SSBP1: variants seen among roughly 807,000 people sequenced by gnomAD.
SSBP1 encodes the protein single-stranded DNA-binding protein, mitochondrial.
A neutral mutation model predicts 27.0 loss-of-function variants in SSBP1; 20 were observed. The observed-to-expected ratio is 0.74, with a 90% CI of 0.52 to 1.08. The LOEUF is 1.08. Ranked by LOEUF, SSBP1 falls within the 50% of genes least tolerant of loss-of-function variation. The pLI, the probability that SSBP1 is intolerant of heterozygous loss-of-function variation, is 0.00. For missense variants in SSBP1, 137 were observed against 182.4 expected, an observed-to-expected ratio of 0.75 and a Z score of 1.44; for synonymous variants, 59 against 59.3, an observed-to-expected ratio of 1.00 and a Z score of 0.02.
At chr7:141,749,777 C>G (rs1799901034) in intron 6 of SSBP1, among the ~76,000 whole-genome samples, 1 of 151,994 alleles carries the variant, frequency 6.6e-6, no homozygotes, top group Admixed American at 6.6e-5. Context: ...GACTCCATCT[C>G]CAAAGGAAAA....
rs546482417 is a variant in SSBP1, at chr7:141,746,434, C to T, written c.403+850C>T. 2.0e-5 allele frequency: 3 copies of T among 152,446 alleles called. No homozygotes were observed. In the South Asian group the frequency reaches 6.2e-4, roughly 32 times the overall value. 9.4% of individuals were successfully genotyped at this position (152,446 alleles called of 1,614,324 possible). ...CAGCTTACTGCAGCCTCTACCTCCC[C>T]AGGCTCAGGTGATCTTCCCACCTCA... is the stretch of plus-strand genomic sequence containing the variant. On this transcript the variant is annotated intron_variant, in intron 6 of 6. Transcript: ENST00000265304.
chr7:141,750,288 T>G (rs1799914411), intron 6 of SSBP1, 23 bp from the exon 7 acceptor site: 15 of 1,540,776 alleles, frequency 9.7e-6, no homozygotes, highest in African/African-American at 1.4e-5. Flanking sequence ...GAAATTAATA[T>G]TTACATTTTG....
At chr7:141,742,342 G>C in intron 3 of SSBP1, 113 bp downstream of exon 3, 1 of 708,164 alleles carries the variant, frequency 1.4e-6, no homozygotes. Context: ...TGTGCTTTTA[G>C]CTCATGTTTG....
Position 141,743,951 on chromosome 7 carries a change from A to G in SSBP1, c.276A>G (p.Pro92=), listed in dbSNP as rs1803993. The G allele has an allele frequency of 1.3e-5, 21 of 1,613,256 alleles. 1 individual carries two copies. In the South Asian group the frequency reaches 2.0e-4, roughly 15 times the overall value. The part of the protein sequence containing the change: ...TTWHRISVFR[P]GLRDVAYQYV... ...GGCACAGAATATCAGTATTCCGGCCAGGCCTCAGAGACGTGGCATATCAAT... is the reference window on the plus strand; with the variant it reads ...GGCACAGAATATCAGTATTCCGGCCGGGCCTCAGAGACGTGGCATATCAAT... Residue 92 remains proline, a synonymous_variant, in exon 5 of 7, where the codon CCA becomes CCG. Coordinates refer to ENST00000265304, the MANE Select transcript of SSBP1 (RefSeq NM_003143.3).
At chr7:141,743,100 G>A (rs13227309) in intron 3 of SSBP1, among the ~76,000 whole-genome samples, 11,475 of 152,212 alleles carry the variant, frequency 0.075, 645 homozygotes, top group Non-Finnish European at 0.12. Flanking sequence ...TGATCCGCCC[G>A]CCTTGGCCTC....
At chr7:141,744,215 C>T (rs1182635953) in intron 5 of SSBP1, among the ~76,000 whole-genome samples, 1 of 152,238 alleles carries the variant, frequency 6.6e-6, no homozygotes, top group Non-Finnish European at 1.5e-5. Context: ...TAAGAACTTA[C>T]AGTTTAGGGC....
chr7:141,743,085 C>T (rs560234241), intron 3 of SSBP1, among the ~76,000 whole-genome samples: 1 of 152,300 alleles, frequency 6.6e-6, no homozygotes, highest in East Asian at 1.9e-4. Flanking sequence ...TCTCTCCTGA[C>T]CTTGTGATCC....
At position 141,741,670 on chromosome 7, in the gene SSBP1, T is replaced by A. The variant is rs147606247; in HGVS notation, c.25-499T>A. 1.1e-4 allele frequency: 62 copies of A among 551,082 alleles called. No individual in the cohort carries two copies. In the African/African-American group the frequency reaches 1.2e-3, roughly 11 times the overall value. The allele number at this position is 551,082 out of a possible 1,614,324, so 34.1% of individuals were successfully genotyped here. A position where few individuals can be genotyped will look rare whatever the true frequency, so the allele number is the denominator to read the frequency against. On this transcript the variant is annotated intron_variant, in intron 2 of 6. Transcript: ENST00000265304. The stretch of plus-strand genomic sequence containing the variant: ...CAAAATACAGTAGTAATATACCAGT[T>A]GTTTATACTAAAAAAAAAAATTAGA...
rs776207444 is a variant in SSBP1, at chr7:141,742,150, T to C, written c.25-19T>C. 5 of 1,573,870 alleles carry C rather than the reference T, an allele frequency of 3.2e-6. No individual in the cohort carries two copies. Among genetic ancestry groups the C allele is most frequent in the South Asian group, 1.1e-5 (1 of 88,018 alleles). ...TTCCTAAAAAATTAAAGCCATGTTA[T>C]TCATTTGTTCTTCTTTAGGTACTTC... On this transcript the variant is annotated intron_variant, in intron 2 of 6. Transcript: ENST00000265304.
chr7:141,739,145 G>A lies in SSBP1; in HGVS notation c.-22G>A. 6.3e-7 allele frequency: 1 copy of A among 1,589,806 alleles called. No individual in the cohort carries two copies. Among genetic ancestry groups the A allele is most frequent in the South Asian group, 1.2e-5 (1 of 85,706 alleles). Reference sequence around the variant, plus strand: ...TCAGGAAAAGCCTAAAGATTAGACTGTAAGAAAAGAAAATAGAAGCCATGT... The same window carrying A: ...TCAGGAAAAGCCTAAAGATTAGACTATAAGAAAAGAAAATAGAAGCCATGT... On this transcript the variant is annotated 5_prime_UTR_variant, in exon 2 of 7. Transcript: ENST00000265304.
chr7:141,743,469 G>T, intron 3 of SSBP1, 92 bp from the exon 4 acceptor site: 1 of 1,458,726 alleles, frequency 6.9e-7, no homozygotes, highest in Non-Finnish European at 9.4e-7. Flanking sequence ...TACATTGAGG[G>T]TTAGAGCTTC....
chr7:141,744,229 CAG>C (rs973173078), intron 5 of SSBP1, among the ~76,000 whole-genome samples: 25 of 152,310 alleles, frequency 1.6e-4, no homozygotes, highest in African/African-American at 3.1e-4. Flanking sequence ...TTAGGGCAAA[CAG>C]GGTGTGTACA....
At chr7:141,747,995 CAAAAA>C (rs926171907) in intron 6 of SSBP1, among the ~76,000 whole-genome samples, 5 of 56,020 alleles carry the variant, frequency 8.9e-5, no homozygotes, top group African/African-American at 3.3e-4. Context: ...AAGACTCTCT[CAAAAA>C]AAAAAAAAAA....
chr7:141,747,674 C>T (rs1318997512), intron 6 of SSBP1, among the ~76,000 whole-genome samples: 3 of 151,406 alleles, frequency 2.0e-5, no homozygotes, highest in African/African-American at 7.3e-5. Context: ...AGGCGTGAGC[C>T]ACCGTGCCCG....
At chr7:141,739,215 T>A in intron 2 of SSBP1, 25 bp downstream of exon 2, 1 of 1,549,512 alleles carries the variant, frequency 6.5e-7, no homozygotes, top group Non-Finnish European at 8.8e-7. Flanking sequence ...GTATTAATAC[T>A]GAGATGTATT....
chr7:141,743,672 G>C lies in SSBP1; in HGVS notation c.197G>C (p.Arg66Pro). ...IFSLATNEMWRSGDSEVYQLG... is the reference protein window; with the variant it reads ...IFSLATNEMWPSGDSEVYQLG... Reference sequence around the variant, plus strand: ...TCTCTAGCAACTAATGAGATGTGGCGATCAGGGGATAGTGAAGTTTACCAA... The same window carrying C: ...TCTCTAGCAACTAATGAGATGTGGCCATCAGGGGATAGTGAAGTTTACCAA... Residue 66 changes from arginine (R) to proline (P), a missense_variant, in exon 4 of 7, where the codon CGA becomes CCA. Physicochemically the swap from Arg to Pro is moderately radical, Grantham distance 103. Transcript: ENST00000265304. The C allele has an allele frequency of 6.2e-7, 1 of 1,614,202 alleles. No homozygotes were observed. Among genetic ancestry groups the C allele is most frequent in the Non-Finnish European group, 8.5e-7 (1 of 1,180,032 alleles).
At chr7:141,746,810 A>G (rs1409031066) in intron 6 of SSBP1, among the ~76,000 whole-genome samples, 1 of 152,246 alleles carries the variant, frequency 6.6e-6, no homozygotes, top group Non-Finnish European at 1.5e-5. Context: ...AAGCGACATT[A>G]AGAAATTTTT....
intron 2 of SSBP1, chr7:141,740,475 G>A (rs1047612717): frequency 1.3e-5 from 2 of 152,202 alleles, no homozygotes; most frequent in Non-Finnish European, 2.9e-5. Context: ...CTGGGTCCTT[G>A]AGATCACTTG....
At chr7:141,739,337 C>A in intron 2 of SSBP1, 147 bp downstream of exon 2, 1 of 533,898 alleles carries the variant, frequency 1.9e-6, no homozygotes, top group Non-Finnish European at 3.1e-6. Context: ...GGATTGGGGA[C>A]GATTTTGCCA....
Sources: gnomAD v4.1 joint callset for allele counts (sites outside exome capture counted in the v4.1 genomes callset) on GRCh38, gnomAD v4.1.1 for gene constraint, MANE v1.5 for transcripts, NCBI Gene and HGNC (gene_info 2026-07-23, HGNC 2026-07-21) for gene names.